PSMA1: variants seen among roughly 807,000 people sequenced by gnomAD.
PSMA1 encodes the protein proteasome 20S subunit alpha 1.
Under a neutral mutation model 38.4 loss-of-function variants are expected in PSMA1, and 3 were observed. The ratio of observed to expected loss-of-function variants is 0.08; its 90% CI spans 0.04 to 0.20. The LOEUF is 0.20. Among genes scored for constraint, PSMA1 ranks in the 10% least tolerant of loss-of-function variants. The pLI, the probability that PSMA1 is intolerant of heterozygous loss-of-function variation, is 1.00. For synonymous variants in PSMA1, 101 were observed against 107.1 expected (o/e 0.94, Z 0.35); for missense variants, 227 against 325.3 (o/e 0.70, Z 2.32).
intron 2 of PSMA1, among the ~76,000 whole-genome samples, chr11:14,596,335 A>C (rs1246321615): frequency 6.6e-6 from 1 of 152,162 alleles, no homozygotes; most frequent in Non-Finnish European, 1.5e-5. Flanking sequence ...TACTTTGGGC[A>C]TTATGGCCAT....
At chr11:14,535,590 T>A (rs993976945) in intron 2 of PSMA1, among the ~76,000 whole-genome samples, 1 of 151,866 alleles carries the variant, frequency 6.6e-6, no homozygotes, top group Non-Finnish European at 1.5e-5. Flanking sequence ...ATTACAAGCA[T>A]GCGCCACCAC....
chr11:14,515,480 G>T (rs1172645726), intron 4 of PSMA1, among the ~76,000 whole-genome samples: 1 of 151,938 alleles, frequency 6.6e-6, no homozygotes, highest in Non-Finnish European at 1.5e-5. Context: ...CCATTTTGAA[G>T]AGTAGGTGGA....
At chr11:14,590,219 A>G (rs555217410) in intron 2 of PSMA1, among the ~76,000 whole-genome samples, 36 of 152,342 alleles carry the variant, frequency 2.4e-4, no homozygotes, top group Middle Eastern at 3.4e-3. Flanking sequence ...TTTAATGGGT[A>G]GAGTTTCAGA....
At chr11:14,621,312 C>T (rs373794199) in intron 1 of PSMA1, among the ~76,000 whole-genome samples, 209 of 151,938 alleles carry the variant, frequency 1.4e-3, no homozygotes, top group South Asian at 6.7e-3. Context: ...GAGACCCCTC[C>T]GTCACCCAGC....
At chr11:14,611,025 C>G (rs747302483) in exon 2 of PSMA1, 2 of 1,592,056 alleles carry the variant, frequency 1.3e-6, no homozygotes, top group African/African-American at 2.7e-5. Context: ...GACCAACATA[C>G]AACATAGGTC....
At chr11:14,519,296 C>A in intron 1 of PSMA1, 1 of 526,892 alleles carries the variant, frequency 1.9e-6, no homozygotes, top group Non-Finnish European at 3.6e-6. Flanking sequence ...CATATCAACC[C>A]CTTTAGGCTC....
intron 1 of PSMA1, among the ~76,000 whole-genome samples, chr11:14,613,069 A>G (rs746388408): frequency 2.0e-5 from 3 of 152,136 alleles, no homozygotes; most frequent in Non-Finnish European, 4.4e-5. Flanking sequence ...ACCAAAGCAG[A>G]ACATTTTTTC....
intron 1 of PSMA1, among the ~76,000 whole-genome samples, chr11:14,639,786 T>A (rs562919721): frequency 2.6e-5 from 4 of 152,234 alleles, no homozygotes; most frequent in African/African-American, 7.2e-5. Flanking sequence ...CTTTTCTACT[T>A]ACTTTACTTA....
chr11:14,548,619 G>C (rs183162991), intron 2 of PSMA1, among the ~76,000 whole-genome samples: 1 of 152,300 alleles, frequency 6.6e-6, no homozygotes, highest in Non-Finnish European at 1.5e-5. Context: ...GTATGGAAAT[G>C]AGCAAAGGCA....
chr11:14,592,372 C>CTA (rs1328956448), intron 2 of PSMA1, among the ~76,000 whole-genome samples: 20 of 111,534 alleles, frequency 1.8e-4, no homozygotes, highest in Non-Finnish European at 3.0e-4. Flanking sequence ...CTCTCTCTCT[C>CTA]TCTCTATATA....
rs1361505816 is a variant in PSMA1 at position 14,611,005 on chromosome 11, T to A, written c.-19A>T. 3 of 1,611,834 alleles carry A rather than the reference T, an allele frequency of 1.9e-6. No homozygotes were observed. In the East Asian group the frequency reaches 6.7e-5, roughly 36 times the overall value. ...GCTGCATAACATTTCCAGGAGACAGTCACCTAGTAGACCAACATACAACAT... is the reference window on the plus strand; with the variant it reads ...GCTGCATAACATTTCCAGGAGACAGACACCTAGTAGACCAACATACAACAT... On this transcript the variant is annotated 5_prime_UTR_variant, in exon 2 of 11. Coordinates refer to the PSMA1 transcript ENST00000418988.
intron 2 of PSMA1, among the ~76,000 whole-genome samples, chr11:14,595,988 A>G (rs928817560): frequency 1.1e-4 from 16 of 152,210 alleles, no homozygotes; most frequent in Admixed American, 7.9e-4. Context: ...AGCACCATTT[A>G]TGAAATAGAG....
In PSMA1 at chr11:14,537,546, GT is replaced by G. The variant is rs199568590; in HGVS notation, c.22-18506del. Among the ~76,000 whole-genome samples, 708 of 134,232 alleles carry G rather than the reference GT, an allele frequency of 5.3e-3. 2 individuals are homozygous for G. The highest frequency in any genetic ancestry group is 0.015 in the African/African-American group (538 of 36,742). The allele number at this position is 134,232 out of a possible 152,430, so 88.1% of individuals were successfully genotyped here. On this transcript the variant is annotated intron_variant, in intron 2 of 10. Coordinates refer to the PSMA1 transcript ENST00000418988. Reference sequence around the variant, plus strand: ...GAAGTTGCTATAACTTCCCTGCAGGGTTTTTTTTTTTTTTCAGTTTCACTAA... The same window carrying G: ...GAAGTTGCTATAACTTCCCTGCAGGGTTTTTTTTTTTTTCAGTTTCACTAA...
At chr11:14,560,082 T>A (rs1047124087) in intron 2 of PSMA1, among the ~76,000 whole-genome samples, 2 of 152,204 alleles carry the variant, frequency 1.3e-5, no homozygotes, top group African/African-American at 2.4e-5. Context: ...TGACTCTCTT[T>A]AGCTGAAAAC....
At chr11:14,521,949 C>T (rs1222353890), upstream of PSMA1, among the ~76,000 whole-genome samples, 1 of 152,068 alleles carries the variant, frequency 6.6e-6, no homozygotes, top group African/African-American at 2.4e-5. Flanking sequence ...ATAGATTGTT[C>T]TCTTTCGTTT....
intron 2 of PSMA1, among the ~76,000 whole-genome samples, chr11:14,579,914 T>G (rs558376513): frequency 1.2e-3 from 179 of 152,284 alleles, no homozygotes; most frequent in South Asian, 6.2e-3. Context: ...CCCAGGCTGA[T>G]GGATGGGTAA....
intron 2 of PSMA1, among the ~76,000 whole-genome samples, chr11:14,601,753 G>A (rs927946485): frequency 7.2e-5 from 11 of 152,124 alleles, no homozygotes; most frequent in African/African-American, 4.8e-5. Flanking sequence ...TAACTTGTCC[G>A]AGGCCATATA....
At chr11:14,568,223 A>G (rs1317505787) in intron 2 of PSMA1, among the ~76,000 whole-genome samples, 1 of 152,188 alleles carries the variant, frequency 6.6e-6, no homozygotes, top group Non-Finnish European at 1.5e-5. Context: ...CTCCAAAGCC[A>G]TACCTTTCTA....
At chr11:14,523,645 C>A (rs1286481781), upstream of PSMA1, among the ~76,000 whole-genome samples, 1 of 148,136 alleles carries the variant, frequency 6.8e-6, no homozygotes, top group Non-Finnish European at 1.5e-5. Flanking sequence ...GGCTGGAGTG[C>A]AATGGCACAA....
Sources: gnomAD v4.1 joint callset for allele counts (sites outside exome capture counted in the v4.1 genomes callset) on GRCh38, gnomAD v4.1.1 for gene constraint, MANE v1.5 for transcripts, NCBI Gene and HGNC (gene_info 2026-07-23, HGNC 2026-07-21) for gene names.